The following MIR2052HG variants were observed in gnomAD, a reference collection of about 807,000 sequenced individuals.
MIR2052HG encodes MIR2052 host gene.
At chr8:74,750,779 G>C (rs887500343) in intron 4 of MIR2052HG, among the ~76,000 whole-genome samples, 1 of 152,144 alleles carries the variant, frequency 6.6e-6, no homozygotes, top group African/African-American at 2.4e-5. Flanking sequence ...AGGGTAACTA[G>C]GAGAGTCGAT....
At chr8:74,614,044 A>G (rs913975566) in intron 2 of MIR2052HG, among the ~76,000 whole-genome samples, 1 of 152,238 alleles carries the variant, frequency 6.6e-6, no homozygotes, top group Non-Finnish European at 1.5e-5. Flanking sequence ...CATCTTCCTC[A>G]AAGTAACATA....
chr8:74,604,053 A>G (rs878874466), intron 1 of MIR2052HG: 15 of 961,352 alleles, frequency 1.6e-5, no homozygotes, highest in South Asian at 5.1e-5. Context: ...CGGCATTAGC[A>G]GGTCCAGCAA....
chr8:74,683,046 A>G (rs914771887), intron 2 of MIR2052HG, among the ~76,000 whole-genome samples: 1 of 152,158 alleles, frequency 6.6e-6, no homozygotes, highest in Admixed American at 6.6e-5. Flanking sequence ...TTGTGTTCAG[A>G]TATACATATG....
At chr8:74,627,528 TG>T (rs777563911) in intron 2 of MIR2052HG, among the ~76,000 whole-genome samples, 11 of 152,234 alleles carry the variant, frequency 7.2e-5, no homozygotes, top group Non-Finnish European at 8.8e-5. Flanking sequence ...TTCCTATTTT[TG>T]GTTTAGATTT....
intron 2 of MIR2052HG, among the ~76,000 whole-genome samples, chr8:74,617,289 A>G (rs745806910): frequency 5.9e-4 from 89 of 152,002 alleles, no homozygotes; most frequent in Admixed American, 2.3e-3. Flanking sequence ...TCTGCTCCGT[A>G]TGTCCATGTG....
intron 2 of MIR2052HG, among the ~76,000 whole-genome samples, chr8:74,686,379 A>C (rs1206437718): frequency 1.3e-5 from 2 of 152,028 alleles, no homozygotes; most frequent in Non-Finnish European, 2.9e-5. Flanking sequence ...TTATGAGTCA[A>C]AAGTCTTATT....
At chr8:74,637,784 G>A (rs982852610) in intron 2 of MIR2052HG, among the ~76,000 whole-genome samples, 1 of 152,000 alleles carries the variant, frequency 6.6e-6, no homozygotes, top group African/African-American at 2.4e-5. Context: ...TTTATGATTT[G>A]GTTCCAACTT....
intron 2 of MIR2052HG, among the ~76,000 whole-genome samples, chr8:74,678,484 A>T (rs1442588974): frequency 6.7e-6 from 1 of 149,646 alleles, no homozygotes; most frequent in Non-Finnish European, 1.5e-5. Context: ...AATCGCTTGA[A>T]CTTGGGAGGT....
At chr8:74,650,307 CT>C (rs1234899952) in intron 2 of MIR2052HG, among the ~76,000 whole-genome samples, 1 of 152,040 alleles carries the variant, frequency 6.6e-6, no homozygotes, top group East Asian at 1.9e-4. Flanking sequence ...TTGTGTTTGA[CT>C]TTTTTCACTT....
At chr8:74,603,636 A>T in intron 1 of MIR2052HG, 1 of 1,321,590 alleles carries the variant, frequency 7.6e-7, no homozygotes, top group Non-Finnish European at 1.1e-6. Context: ...CTGGCTGTGG[A>T]ATGGCAAACT....
intron 4 of MIR2052HG, among the ~76,000 whole-genome samples, chr8:74,721,325 CT>C (rs1362719996): frequency 1.3e-5 from 2 of 152,284 alleles, no homozygotes; most frequent in African/African-American, 4.8e-5. Flanking sequence ...CTGTGTTTCA[CT>C]TATCTATTGC....
At chr8:74,741,969 T>A (rs891951571) in intron 4 of MIR2052HG, among the ~76,000 whole-genome samples, 4 of 152,200 alleles carry the variant, frequency 2.6e-5, no homozygotes, top group African/African-American at 9.7e-5. Flanking sequence ...CTCAAACTTT[T>A]TGCTACTCTG....
At chr8:74,609,534 A>C (rs754499990) in intron 1 of MIR2052HG, among the ~76,000 whole-genome samples, 8 of 151,774 alleles carry the variant, frequency 5.3e-5, no homozygotes, top group Non-Finnish European at 1.0e-4. Flanking sequence ...AATGTGATAC[A>C]AACCTTTCTA....
chr8:74,695,237 A>G (rs1454678358), intron 2 of MIR2052HG, among the ~76,000 whole-genome samples: 1 of 152,146 alleles, frequency 6.6e-6, no homozygotes, highest in African/African-American at 2.4e-5. Flanking sequence ...GAAAGATACA[A>G]TGTTTTTCAG....
At chr8:74,649,738 G>A (rs1416976828) in intron 2 of MIR2052HG, among the ~76,000 whole-genome samples, 1 of 151,996 alleles carries the variant, frequency 6.6e-6, no homozygotes, top group Non-Finnish European at 1.5e-5. Context: ...TTTCTCATGG[G>A]TAGTTTGAAG....
At chr8:74,633,363 G>A (rs2128734500) in intron 2 of MIR2052HG, 1 of 152,170 alleles carries the variant, frequency 6.6e-6, no homozygotes, top group Non-Finnish European at 1.5e-5. Context: ...TGCTTCTAGT[G>A]TACGTTACTC....
intron 1 of MIR2052HG, among the ~76,000 whole-genome samples, chr8:74,601,463 C>T (rs935688689): frequency 2.6e-5 from 4 of 152,216 alleles, no homozygotes; most frequent in African/African-American, 4.8e-5. Flanking sequence ...AATCACCCCA[C>T]ATTCCAAGGC....
intron 1 of MIR2052HG, among the ~76,000 whole-genome samples, chr8:74,606,161 CG>C (rs1808108508): frequency 6.6e-6 from 1 of 152,138 alleles, no homozygotes; most frequent in African/African-American, 2.4e-5. Context: ...GTGATAGACG[CG>C]GGGCTTTGGG....
intron 2 of MIR2052HG, among the ~76,000 whole-genome samples, chr8:74,678,503 C>T (rs746840742): frequency 7.3e-5 from 9 of 124,008 alleles, no homozygotes; most frequent in Admixed American, 1.1e-4. Context: ...GTGGAGGTTG[C>T]GGTGAGCTGA....
Sources: gnomAD v4.1 joint callset for allele counts (sites outside exome capture counted in the v4.1 genomes callset) on GRCh38, gnomAD v4.1.1 for gene constraint, MANE v1.5 for transcripts, NCBI Gene and HGNC (gene_info 2026-07-23, HGNC 2026-07-21) for gene names.